Variants in ZNF407 observed in about 807,000 individuals in gnomAD.
ZNF407 encodes the protein zinc finger protein 407.
Under a neutral mutation model 131.2 loss-of-function variants are expected in ZNF407, and 17 were observed. The observed-to-expected ratio is 0.13, with a 90% confidence interval of 0.09 to 0.19. ZNF407 has a LOEUF of 0.19. ZNF407 is among the 10% of genes least tolerant of loss of function. The probability of loss-of-function intolerance (pLI) is 1.00; values close to 1 mark genes in which losing one functional copy is unlikely to be tolerated. For missense variants in ZNF407, 2,681 were observed against 2,830.6 expected, an observed-to-expected ratio of 0.95 and a Z score of 1.20; for synonymous variants, 1,156 against 1,062.0, an observed-to-expected ratio of 1.09 and a Z score of -1.72.
At chr18:74,648,931 G>A (rs543862663) in intron 3 of ZNF407, among the ~76,000 whole-genome samples, 30 of 152,074 alleles carry the variant, frequency 2.0e-4, no homozygotes, top group African/African-American at 6.3e-4. Flanking sequence ...GTTTCTAATC[G>A]CTTCCGTGGT....
In ZNF407 at chr18:74,652,449, G is replaced by A. The variant is rs181265991; in HGVS notation, c.4802+11327G>A. The stretch of plus-strand genomic sequence containing the variant: ...TATATATCATGGAAACGTTACTGTG[G>A]AACTTACGGTATTTTAATCTTTATT... On this transcript the variant is annotated intron_variant, in intron 3 of 8. Coordinates refer to ENST00000299687, the MANE Select transcript of ZNF407 (RefSeq NM_017757.3). Among the ~76,000 whole-genome samples, 549 of 152,012 alleles carry A rather than the reference G, an allele frequency of 3.6e-3. 1 individual carries two copies. The highest frequency in any genetic ancestry group is 8.9e-3 in the South Asian group (43 of 4,810).
chr18:75,006,170 C>T (rs193206930), intron 8 of ZNF407, among the ~76,000 whole-genome samples: 40 of 152,194 alleles, frequency 2.6e-4, no homozygotes, highest in Non-Finnish European at 3.5e-4. Context: ...TCTGCACTGC[C>T]GCTCCTATTT....
chr18:74,744,950 A>G (rs1283242141), intron 3 of ZNF407, among the ~76,000 whole-genome samples: 1 of 152,116 alleles, frequency 6.6e-6, no homozygotes, highest in Non-Finnish European at 1.5e-5. Flanking sequence ...ATATAGCTTT[A>G]CCATGTCCAT....
intron 8 of ZNF407, among the ~76,000 whole-genome samples, chr18:75,023,573 T>C (rs1568304048): frequency 3.9e-5 from 6 of 152,318 alleles, no homozygotes; most frequent in Non-Finnish European, 2.9e-5. Flanking sequence ...TAATCAAAGC[T>C]ACCCTCTGAT....
intron 8 of ZNF407, among the ~76,000 whole-genome samples, chr18:74,954,612 T>A (rs1429021707): frequency 6.6e-6 from 1 of 152,238 alleles, no homozygotes; most frequent in Non-Finnish European, 1.5e-5. Flanking sequence ...CATAATTTTA[T>A]CATTTGTTAC....
chr18:74,705,093 G>T (rs927900816), intron 3 of ZNF407, among the ~76,000 whole-genome samples: 1 of 152,064 alleles, frequency 6.6e-6, no homozygotes, highest in African/African-American at 2.4e-5. Context: ...TTCTTCCACA[G>T]GAGGTTAATG....
intron 5 of ZNF407, among the ~76,000 whole-genome samples, chr18:74,878,700 T>C (rs1261394017): frequency 1.3e-5 from 2 of 152,178 alleles, no homozygotes; most frequent in African/African-American, 2.4e-5. Context: ...AATGGCACAC[T>C]TGAAACTAAT....
intron 7 of ZNF407, among the ~76,000 whole-genome samples, chr18:74,900,758 G>A (rs894761141): frequency 2.0e-5 from 3 of 152,062 alleles, no homozygotes; most frequent in Admixed American, 6.6e-5. Context: ...ATTTACAGCC[G>A]TTCAATTTGT....
chr18:75,039,611 C>G (rs1274102464), intron 8 of ZNF407, among the ~76,000 whole-genome samples: 1 of 151,926 alleles, frequency 6.6e-6, no homozygotes, highest in Non-Finnish European at 1.5e-5. Flanking sequence ...GCATTTGCAG[C>G]TGTCAAATCA....
chr18:74,862,683 C>T (rs2145161453), intron 4 of ZNF407, among the ~76,000 whole-genome samples: 1 of 152,244 alleles, frequency 6.6e-6, no homozygotes, highest in Admixed American at 6.5e-5. Flanking sequence ...CCCAAATTGT[C>T]AAATAAATTT....
intron 8 of ZNF407, among the ~76,000 whole-genome samples, chr18:74,942,864 A>T (rs1972115172): frequency 6.6e-6 from 1 of 151,700 alleles, no homozygotes; most frequent in African/African-American, 2.4e-5. Context: ...AAAGTGTTAG[A>T]TCATATTGCA....
chr18:74,880,568 T>TA (rs1971223598), intron 5 of ZNF407, among the ~76,000 whole-genome samples: 1 of 152,200 alleles, frequency 6.6e-6, no homozygotes, highest in African/African-American at 2.4e-5. Flanking sequence ...AGGAAGACCC[T>TA]AATAGAATCA....
At chr18:74,755,307 G>T (rs996339022) in intron 3 of ZNF407, among the ~76,000 whole-genome samples, 16 of 152,038 alleles carry the variant, frequency 1.1e-4, no homozygotes, top group Admixed American at 3.9e-4. Context: ...CAGTTTGCCC[G>T]TCTGTGTCTT....
At chr18:74,646,960 C>T (rs1315540412) in intron 3 of ZNF407, among the ~76,000 whole-genome samples, 1 of 152,010 alleles carries the variant, frequency 6.6e-6, no homozygotes, top group African/African-American at 2.4e-5. Flanking sequence ...TATTCCATGG[C>T]CAGTAAGTAT....
At chr18:75,046,582 C>T (rs149408159) in intron 8 of ZNF407, among the ~76,000 whole-genome samples, 1 of 152,218 alleles carries the variant, frequency 6.6e-6, no homozygotes, top group East Asian at 1.9e-4. Flanking sequence ...CGAGTCAGTA[C>T]CCAGCTGAAT....
At chr18:75,017,468 A>G (rs1218366130) in intron 8 of ZNF407, among the ~76,000 whole-genome samples, 2 of 152,164 alleles carry the variant, frequency 1.3e-5, no homozygotes, top group Non-Finnish European at 2.9e-5. Context: ...GGAGGTTTAT[A>G]GGGATGAAGT....
In ZNF407 at chr18:74,684,528, G is replaced by A. The variant is rs967632573; in HGVS notation, c.4802+43406G>A. Reference sequence around the variant, plus strand: ...CGCACCGAGTCACGTTCAGTTATAAGCACAATTCAGTGGGAAACTTTGTTC... The same window carrying A: ...CGCACCGAGTCACGTTCAGTTATAAACACAATTCAGTGGGAAACTTTGTTC... On this transcript the variant is annotated intron_variant, in intron 3 of 8. Coordinates refer to ENST00000299687, the MANE Select transcript of ZNF407 (RefSeq NM_017757.3). 1.1e-4 allele frequency among the ~76,000 whole-genome samples: 17 copies of A among 152,282 alleles called. No individual in the cohort carries two copies. The East Asian group carries it at 2.9e-3, about 26-fold the overall frequency.
At chr18:74,830,196 G>T (rs1471059137) in intron 4 of ZNF407, among the ~76,000 whole-genome samples, 1 of 152,178 alleles carries the variant, frequency 6.6e-6, no homozygotes, top group Admixed American at 6.6e-5. Context: ...AGTATTTGCT[G>T]TTTAAGCCAC....
intron 8 of ZNF407, among the ~76,000 whole-genome samples, chr18:74,927,110 A>G (rs1325961372): frequency 6.6e-6 from 1 of 152,260 alleles, no homozygotes; most frequent in African/African-American, 2.4e-5. Flanking sequence ...CGTAAATAGT[A>G]TCTGTGCCAA....
Sources: gnomAD v4.1 joint callset for allele counts (sites outside exome capture counted in the v4.1 genomes callset) on GRCh38, gnomAD v4.1.1 for gene constraint, MANE v1.5 for transcripts, NCBI Gene and HGNC (gene_info 2026-07-23, HGNC 2026-07-21) for gene names.